CDH18: variants seen among roughly 807,000 people sequenced by gnomAD.
CDH18 encodes the protein cadherin-18.
Under a neutral mutation model 67.9 loss-of-function variants are expected in CDH18, and 31 were observed. The ratio of observed to expected loss-of-function variants is 0.46; its 90% confidence interval spans 0.34 to 0.62. The LOEUF (loss-of-function observed/expected upper bound fraction) is 0.62. Ranked by LOEUF, CDH18 falls within the 20% of genes least tolerant of loss-of-function variation. The pLI is 0.01. For missense variants in CDH18, 890 were observed against 975.5 expected (o/e 0.91, Z 1.17); for synonymous variants, 362 against 347.2 (o/e 1.04, Z -0.48).
chr5:20,275,706 CA>C (rs1426441163), intron 1 of CDH18, among the ~76,000 whole-genome samples: 1 of 152,078 alleles, frequency 6.6e-6, no homozygotes, highest in East Asian at 1.9e-4. Flanking sequence ...GCTTTCCACA[CA>C]AAAAATCACC....
intron 1 of CDH18, among the ~76,000 whole-genome samples, chr5:20,408,658 G>A (rs760459854): frequency 3.3e-5 from 5 of 151,728 alleles, no homozygotes. Flanking sequence ...AAGCAAGACA[G>A]TATAAGAGGG....
intron 2 of CDH18, among the ~76,000 whole-genome samples, chr5:20,095,810 T>G (rs1745943450): frequency 6.7e-6 from 1 of 150,036 alleles, no homozygotes; most frequent in Non-Finnish European, 1.5e-5. Flanking sequence ...GATATAAAAC[T>G]GACCAGAAAA....
chr5:19,799,469 CA>C (rs1777216020), intron 3 of CDH18, among the ~76,000 whole-genome samples: 2 of 150,842 alleles, frequency 1.3e-5, no homozygotes, highest in Non-Finnish European at 3.0e-5. Flanking sequence ...CACACACACA[CA>C]CACCACATAC....
intron 2 of CDH18, among the ~76,000 whole-genome samples, chr5:20,068,709 TA>T (rs1316880401): frequency 1.3e-5 from 2 of 152,152 alleles, no homozygotes; most frequent in Non-Finnish European, 2.9e-5. Flanking sequence ...GTTGGTGAAA[TA>T]TCTGTGACTT....
At chr5:19,645,362 A>G (rs1382422552) in intron 5 of CDH18, among the ~76,000 whole-genome samples, 1 of 152,202 alleles carries the variant, frequency 6.6e-6, no homozygotes, top group East Asian at 1.9e-4. Flanking sequence ...CTGCAAAGCT[A>G]GAGGGAACTA....
intron 2 of CDH18, among the ~76,000 whole-genome samples, chr5:20,181,134 G>A (rs1225770119): frequency 6.6e-6 from 1 of 152,098 alleles, no homozygotes; most frequent in Non-Finnish European, 1.5e-5. Flanking sequence ...TCCAACCAAT[G>A]TGGCTCAACT....
chr5:20,040,107 C>T (rs1209263538), intron 2 of CDH18, among the ~76,000 whole-genome samples: 1 of 152,062 alleles, frequency 6.6e-6, no homozygotes. Flanking sequence ...AAAACCTCAT[C>T]ATCACTGGTC....
intron 1 of CDH18, among the ~76,000 whole-genome samples, chr5:20,337,504 G>T (rs1739884617): frequency 6.6e-6 from 1 of 152,040 alleles, no homozygotes; most frequent in Non-Finnish European, 1.5e-5. Context: ...TAGGGCAGGG[G>T]CAAAATGACA....
intron 2 of CDH18, among the ~76,000 whole-genome samples, chr5:20,120,089 TTGAA>T (rs1462654941): frequency 2.6e-5 from 4 of 152,118 alleles, no homozygotes; most frequent in Admixed American, 2.6e-4. Flanking sequence ...ACTTCCTACT[TTGAA>T]TGGGTTTCTA....
chr5:20,163,332 T>A (rs2126619857), intron 2 of CDH18, among the ~76,000 whole-genome samples: 1 of 152,168 alleles, frequency 6.6e-6, no homozygotes, highest in Non-Finnish European at 1.5e-5. Context: ...TTTTCCCCAA[T>A]TTTCTAAAAA....
intron 1 of CDH18, among the ~76,000 whole-genome samples, chr5:20,344,806 A>G (rs1740569987): frequency 6.6e-6 from 1 of 152,254 alleles, no homozygotes; most frequent in Admixed American, 6.5e-5. Context: ...AAAAAATATC[A>G]ATGTGAAGAA....
intron 3 of CDH18, among the ~76,000 whole-genome samples, chr5:19,772,423 G>C (rs368599320): frequency 2.6e-5 from 4 of 152,094 alleles, no homozygotes; most frequent in East Asian, 1.9e-4. Flanking sequence ...GTGAGAGAGA[G>C]AGAAAGAGTT....
intron 2 of CDH18, among the ~76,000 whole-genome samples, chr5:20,243,400 T>G (rs1056361953): frequency 2.0e-5 from 3 of 152,168 alleles, no homozygotes; most frequent in Admixed American, 6.5e-5. Context: ...CAAATATGTT[T>G]TATTCACATA....
intron 5 of CDH18, among the ~76,000 whole-genome samples, chr5:19,687,459 C>T (rs1056637868): frequency 2.0e-5 from 3 of 152,182 alleles, no homozygotes; most frequent in Admixed American, 6.5e-5. Context: ...ATGGCAGGGT[C>T]CCCAGCACTC....
At chr5:19,873,686 C>T (rs1447705423) in intron 2 of CDH18, among the ~76,000 whole-genome samples, 5 of 151,988 alleles carry the variant, frequency 3.3e-5, no homozygotes, top group Admixed American at 1.3e-4. Flanking sequence ...CTTGCTTTGT[C>T]GCCCAGGCTG....
chr5:19,638,193 T>C (rs1265907659), intron 5 of CDH18, among the ~76,000 whole-genome samples: 2 of 152,220 alleles, frequency 1.3e-5, no homozygotes, highest in African/African-American at 2.4e-5. Flanking sequence ...AAGATGATCA[T>C]TAATGTTGCA....
chr5:20,046,441 A>G (rs1580116471), intron 2 of CDH18, among the ~76,000 whole-genome samples: 1 of 151,802 alleles, frequency 6.6e-6, no homozygotes, highest in Non-Finnish European at 1.5e-5. Context: ...ATGGGCCAGT[A>G]GTTAGAAGAG....
intron 2 of CDH18, among the ~76,000 whole-genome samples, chr5:19,942,924 G>A (rs1264922466): frequency 6.6e-6 from 1 of 152,144 alleles, no homozygotes; most frequent in Non-Finnish European, 1.5e-5. Context: ...AGGCCTTGGA[G>A]ATGGGACTGG....
intron 1 of CDH18, among the ~76,000 whole-genome samples, chr5:20,465,889 C>T (rs1751600575): frequency 6.6e-6 from 1 of 151,930 alleles, no homozygotes; most frequent in African/African-American, 2.4e-5. Flanking sequence ...AAAACTAAAG[C>T]TTGAAGCAGT....
Sources: allele counts gnomAD v4.1 joint callset (sites outside exome capture counted in the v4.1 genomes callset), GRCh38; gene constraint gnomAD v4.1.1; transcripts MANE v1.5; gene names NCBI Gene and HGNC (gene_info 2026-07-23, HGNC 2026-07-21).